The following ARHGAP23 variants were observed in gnomAD, a reference collection of about 807,000 sequenced individuals.
ARHGAP23 encodes the protein rho GTPase-activating protein 23.
Under a neutral mutation model 136.3 loss-of-function variants are expected in ARHGAP23, and 34 were observed. The observed-to-expected ratio is 0.25, with a 90% CI of 0.19 to 0.33. ARHGAP23 has a LOEUF of 0.33. Ranked by LOEUF, ARHGAP23 falls within the 10% of genes least tolerant of loss-of-function variation. The pLI is 1.00. For missense variants in ARHGAP23, 1,808 were observed against 2,139.0 expected (o/e 0.85, Z 3.05); for synonymous variants, 832 against 920.5 (o/e 0.90, Z 1.74).
chr17:38,480,569 G>A (rs1187106738), intron 14 of ARHGAP23, among the ~76,000 whole-genome samples: 10 of 151,038 alleles, frequency 6.6e-5, no homozygotes, highest in Non-Finnish European at 1.0e-4. Context: ...GGGAGGCGGA[G>A]CTTGCATTGA....
chr17:38,464,189 C>T (rs142691236), intron 6 of ARHGAP23, among the ~76,000 whole-genome samples: 12 of 152,316 alleles, frequency 7.9e-5, no homozygotes, highest in Non-Finnish European at 1.0e-4. Context: ...TTTATACATT[C>T]GACACCTCAG....
chr17:38,443,111 G>C lies in ARHGAP23; in HGVS notation c.63+14563G>C, dbSNP rs537872518. ...GGTCACACAGCCAGAAAAGGGCCAGGGCCAGTACCAATGGCAAGTGTGGCC... is the reference window on the plus strand; with the variant it reads ...GGTCACACAGCCAGAAAAGGGCCAGCGCCAGTACCAATGGCAAGTGTGGCC... On this transcript the variant is annotated intron_variant, in intron 1 of 23. Transcript: ENST00000622683. 3.3e-5 allele frequency among the ~76,000 whole-genome samples: 5 copies of C among 152,298 alleles called. No homozygotes were observed. In the South Asian group the frequency reaches 1.0e-3, roughly 32 times the overall value.
chr17:38,448,859 T>A (rs1485398070), intron 1 of ARHGAP23, among the ~76,000 whole-genome samples: 2 of 98,574 alleles, frequency 2.0e-5, no homozygotes, highest in Non-Finnish European at 3.9e-5. Context: ...TTGCCCAGCC[T>A]TTTTTTTTTT....
chr17:38,479,987 G>C, intron 14 of ARHGAP23, 104 bp downstream of exon 14: 1 of 1,464,306 alleles, frequency 6.8e-7, no homozygotes, highest in Non-Finnish European at 9.2e-7. Context: ...ATGTGTGCCT[G>C]ACTGTGTGCC....
chr17:38,483,951 A>C lies in ARHGAP23; in HGVS notation c.2907+1273A>C, dbSNP rs369806573. ...CCTGGGCTTGGAGGTGGGGAGGGTG[A>C]GGCCCCAGGGGGACAGAGAAGGCAT... On this transcript the variant is annotated intron_variant, in intron 16 of 23. Transcript: ENST00000622683. 6.6e-5 allele frequency among the ~76,000 whole-genome samples: 10 copies of C among 152,182 alleles called. No homozygotes were observed. In the East Asian group the frequency reaches 1.5e-3, roughly 23 times the overall value.
intron 4 of ARHGAP23, 25 bp from the exon 5 acceptor site, chr17:38,463,093 C>T (rs991034106): frequency 6.5e-7 from 1 of 1,550,222 alleles, no homozygotes; most frequent in South Asian, 1.2e-5. Flanking sequence ...CCTTTGGTCA[C>T]CACTCATGCG....
At chr17:38,455,546 G>C (rs1230473124) in intron 1 of ARHGAP23, among the ~76,000 whole-genome samples, 1 of 152,234 alleles carries the variant, frequency 6.6e-6, no homozygotes, top group Non-Finnish European at 1.5e-5. Flanking sequence ...TGTGTGCTGG[G>C]GGAGGGGCGG....
At chr17:38,489,548 C>T (rs1203912602) in intron 17 of ARHGAP23, among the ~76,000 whole-genome samples, 2 of 152,112 alleles carry the variant, frequency 1.3e-5, no homozygotes, top group Admixed American at 6.5e-5. Context: ...GCCATCCATT[C>T]GGGATGTTTC....
chr17:38,429,795 C>T (rs1344597670), intron 1 of ARHGAP23, among the ~76,000 whole-genome samples: 1 of 152,186 alleles, frequency 6.6e-6, no homozygotes, highest in African/African-American at 2.4e-5. Context: ...TCTCTATCCC[C>T]TGCACCCCTC....
chr17:38,466,770 G>A lies in ARHGAP23; in HGVS notation c.1087G>A (p.Glu363Lys), dbSNP rs971271615. The A allele has an allele frequency of 3.2e-6, 5 of 1,549,012 alleles. No homozygotes were observed. Among genetic ancestry groups the A allele is most frequent in the Non-Finnish European group, 4.4e-6 (5 of 1,146,264 alleles). The change falls in exon 7 of 24, where the codon GAG becomes AAG. Residue 363 changes from glutamate to lysine, a missense_variant. Coordinates refer to ENST00000622683, the MANE Select transcript of ARHGAP23 (RefSeq NM_001199417.2). ...CTTGAGCCGGGCCACCCGTTCTGCC[G>A]AGGCACTGGGGCCAGGGGCACTGGT... Reference protein sequence around the residue: ...DYLSRATRSAEALGPGALVSP... With the variant: ...DYLSRATRSAKALGPGALVSP...
chr17:38,504,125 T>G (rs2040578790), intron 23 of ARHGAP23, among the ~76,000 whole-genome samples: 1 of 152,228 alleles, frequency 6.6e-6, no homozygotes, highest in Non-Finnish European at 1.5e-5. Flanking sequence ...CTCTGGTATC[T>G]GAGTTCTGAT....
chr17:38,499,002 A>G, intron 22 of ARHGAP23: 1 of 696,114 alleles, frequency 1.4e-6, no homozygotes, highest in Non-Finnish European at 2.6e-6. Flanking sequence ...GCGGGTGATT[A>G]TAAGAAGGCT....
In ARHGAP23 at chr17:38,477,623, G is replaced by A. The variant is rs1300790520; in HGVS notation, c.2163G>A (p.Ala721=). ...GLRQWKRVYA[A]LRARSLSLSK... ...GCCAGTGGAAGCGGGTGTACGCCGC[G>A]CTGCGGGCGCGCTCGCTCTCGCTGA... is the stretch of plus-strand genomic sequence containing the variant. The change falls in exon 12 of 24, where the codon GCG becomes GCA. Residue 721 remains alanine, a synonymous_variant. Transcript: ENST00000622683. This position sits in a 1 kb window ranked among gnomAD's most constrained non-coding sequence, Gnocchi z 6.6. The A allele has an allele frequency of 1.3e-5, 17 of 1,273,570 alleles. No individual in the cohort carries two copies. The highest frequency in any genetic ancestry group is 3.0e-4 in the Middle Eastern group (1 of 3,300). 78.9% of individuals were successfully genotyped at this position (1,273,570 alleles called of 1,614,324 possible). A position where few individuals can be genotyped will look rare whatever the true frequency, so the allele number is the denominator to read the frequency against.
intron 11 of ARHGAP23, among the ~76,000 whole-genome samples, chr17:38,476,579 G>A (rs1171224664): frequency 6.6e-6 from 1 of 152,166 alleles, no homozygotes; most frequent in Non-Finnish European, 1.5e-5. Context: ...TGGGAGAGAC[G>A]CTGGGCTTGG....
Position 38,510,217 on chromosome 17 carries a change from G to A in ARHGAP23, c.3721G>A (p.Ala1241Thr). The stretch of plus-strand genomic sequence containing the variant: ...GGCGGCGCCGGAGGAGCGGCCGGCC[G>A]CGGACACGCGCTCCATTGTGTCGGG... ...PPAAPEERPA[A>T]DTRSIVSGYS... The change falls in exon 24 of 24, where the codon GCG (alanine) becomes ACG (threonine). Residue 1241 changes from alanine to threonine, a missense_variant. By Grantham distance (58) the Ala-to-Thr change is moderately conservative. Around this residue, in one of 7 missense-constraint regions of ARHGAP23, gnomAD observed 506 missense variants for 455.8 expected, o/e 1.11. Transcript: ENST00000622683. This position sits in a 1 kb window ranked among gnomAD's most constrained non-coding sequence, Gnocchi z 4.6. 10 of 1,374,026 alleles carry A rather than the reference G, an allele frequency of 7.3e-6. No homozygotes were observed. Among genetic ancestry groups the A allele is most frequent in the Non-Finnish European group, 9.4e-6 (10 of 1,063,692 alleles). 85.1% of individuals were successfully genotyped at this position (1,374,026 alleles called of 1,614,324 possible). A position where few individuals can be genotyped will look rare whatever the true frequency, so the allele number is the denominator to read the frequency against.
chr17:38,474,687 G>A (rs1440470924), intron 11 of ARHGAP23, among the ~76,000 whole-genome samples: 1 of 152,178 alleles, frequency 6.6e-6, no homozygotes, highest in Admixed American at 6.5e-5. Context: ...CAGCACCGAC[G>A]AGTTACCTGT....
chr17:38,428,372 C>T (rs1393927221), upstream of ARHGAP23: 2 of 350,334 alleles, frequency 5.7e-6, no homozygotes, highest in African/African-American at 2.3e-5. Flanking sequence ...AGGGGGCGGA[C>T]CCCGGGGGGG....
chr17:38,457,453 A>G (rs574639033), intron 1 of ARHGAP23: 3 of 153,794 alleles, frequency 2.0e-5, no homozygotes, highest in South Asian at 4.1e-4. Context: ...CATGTCTGTG[A>G]TGCATGCGCA....
intron 1 of ARHGAP23, among the ~76,000 whole-genome samples, chr17:38,422,377 G>A (rs1373191448): frequency 2.6e-5 from 4 of 152,250 alleles, no homozygotes; most frequent in East Asian, 3.9e-4. Flanking sequence ...GCTGAGTGAC[G>A]GCATGGTTTT....
Sources: gnomAD v4.1 joint callset for allele counts (sites outside exome capture counted in the v4.1 genomes callset) on GRCh38, gnomAD v4.1.1 for gene constraint, gnomAD v4.1.1 regional missense constraint, Gnocchi (gnomAD v3.1) non-coding constraint, MANE v1.5 for transcripts, NCBI Gene and HGNC (gene_info 2026-07-23, HGNC 2026-07-21) for gene names.